The following FBXO28 variants were observed in gnomAD, a reference collection of about 807,000 sequenced individuals.
The protein encoded by FBXO28 is F-box only protein 28.
Under a neutral mutation model 38.1 loss-of-function variants are expected in FBXO28, and 8 were observed. The observed-to-expected ratio is 0.21, with a 90% CI of 0.12 to 0.38. The LOEUF (loss-of-function observed/expected upper bound fraction) is 0.38. Ranked by LOEUF, FBXO28 falls within the 10% of genes least tolerant of loss-of-function variation. The pLI is 1.00. For missense variants in FBXO28, 345 were observed against 460.6 expected (o/e 0.75, Z 2.30); for synonymous variants, 168 against 173.8 (o/e 0.97, Z 0.26).
chr1:224,147,655 C>T (rs1166650673), intron 3 of FBXO28, among the ~76,000 whole-genome samples: 3 of 151,636 alleles, frequency 2.0e-5, no homozygotes, highest in Non-Finnish European at 2.9e-5. Flanking sequence ...CCTGAGGATG[C>T]GGAGGGACTG....
rs118037054 is a variant in FBXO28 at position 224,135,761 on chromosome 1, G to T, written c.516+1549G>T. Among the ~76,000 whole-genome samples, 25 of 152,212 alleles carry T rather than the reference G, an allele frequency of 1.6e-4. No homozygotes were observed. In the East Asian group the frequency reaches 2.7e-3, roughly 16 times the overall value. The stretch of plus-strand genomic sequence containing the variant: ...CAGTCTAAACAAATAATGTTGCCAG[G>T]TGCCGTGGCTCACACCTGTAATCCC... On this transcript the variant is annotated intron_variant, in intron 3 of 4. Coordinates refer to ENST00000366862, the MANE Select transcript of FBXO28 (RefSeq NM_015176.4).
intron 2 of FBXO28, 81 bp downstream of exon 2, chr1:224,130,662 A>G (rs996603456): frequency 1.1e-6 from 1 of 883,896 alleles, no homozygotes; most frequent in Non-Finnish European, 1.8e-6. Flanking sequence ...CTCATGGTTT[A>G]CATATTGCTT....
intron 1 of FBXO28, among the ~76,000 whole-genome samples, chr1:224,127,889 A>G (rs1275072920): frequency 6.6e-6 from 1 of 152,240 alleles, no homozygotes; most frequent in East Asian, 1.9e-4. Flanking sequence ...CCTGGGTGAC[A>G]GCGAAACTCT....
chr1:224,148,397 T>A (rs754003924), intron 3 of FBXO28, among the ~76,000 whole-genome samples: 12 of 152,088 alleles, frequency 7.9e-5, no homozygotes, highest in African/African-American at 2.2e-4. Context: ...ACGCCTGCAA[T>A]CCCAGCTCTT....
rs1189203773 is a variant in FBXO28, at chr1:224,114,403, C to G, written c.267+7C>G. The G allele has an allele frequency of 1.3e-6, 2 of 1,561,756 alleles. No homozygotes were observed. On this transcript the variant is annotated splice_region_variant and intron_variant, in intron 1 of 4. Coordinates refer to ENST00000366862, the MANE Select transcript of FBXO28 (RefSeq NM_015176.4). Reference sequence around the variant, plus strand: ...AATTAGCCAGCTCCGCCTGGTGAGGCCCCCGCAGAACTCCTGCCTCCCTCT... The same window carrying G: ...AATTAGCCAGCTCCGCCTGGTGAGGGCCCCGCAGAACTCCTGCCTCCCTCT...
At chr1:224,157,290 G>A (rs1572029119) in intron 4 of FBXO28, 62 bp from the exon 5 acceptor site, 9 of 1,510,842 alleles carry the variant, frequency 6.0e-6, no homozygotes, top group South Asian at 5.3e-5. Flanking sequence ...TTAAATAAGT[G>A]TAAGTATTAC....
rs71168310 is a variant in FBXO28, at chr1:224,117,165, A to ATTTTTT, written c.267+2783_267+2788dup. On this transcript the variant is annotated intron_variant, in intron 1 of 4. Coordinates refer to ENST00000366862, the MANE Select transcript of FBXO28 (RefSeq NM_015176.4). ...AAAAATAAAAATAAAAATAAATTGGATTTTTTTTTTTTTTTTTTTGAGACG... is the reference window on the plus strand; with the variant it reads ...AAAAATAAAAATAAAAATAAATTGGATTTTTTTTTTTTTTTTTTTTTTTTTGAGACG... Among the ~76,000 whole-genome samples, 439 of 122,166 alleles carry ATTTTTT rather than the reference A, an allele frequency of 3.6e-3. 16 individuals are homozygous for ATTTTTT. Among genetic ancestry groups the ATTTTTT allele is most frequent in the African/African-American group, 0.013 (389 of 30,742 alleles). The allele number at this position is 122,166 out of a possible 152,430, so 80.1% of individuals were successfully genotyped here. A position where few individuals can be genotyped will look rare whatever the true frequency, so the allele number is the denominator to read the frequency against.
At position 224,157,739 on chromosome 1, in the gene FBXO28, G is replaced by C. The variant is rs775689516; in HGVS notation, c.1100G>C (p.Arg367Thr). Residue 367 changes from arginine (R) to threonine (T), a missense_variant, in exon 5 of 5, where the codon AGA becomes ACA. Arg to Thr is a moderately conservative substitution (Grantham distance 71, BLOSUM62 -1). This residue lies in a region of FBXO28 where 151 missense variants were observed against 188.3 expected (regional missense o/e 0.80). Coordinates refer to ENST00000366862, the MANE Select transcript of FBXO28 (RefSeq NM_015176.4). ...AGGAAATCTAAACGTCTTCGGAATAGAAAGTAAATTGGAATGTGGTTCTAG... is the reference window on the plus strand; with the variant it reads ...AGGAAATCTAAACGTCTTCGGAATACAAAGTAAATTGGAATGTGGTTCTAG... ...SLRKSKRLRN[R>T]K 5.0e-6 allele frequency: 8 copies of C among 1,597,264 alleles called. No individual in the cohort carries two copies. The highest frequency in any genetic ancestry group is 4.5e-5 in the East Asian group (2 of 44,818).
In FBXO28 at chr1:224,158,375, G is replaced by C. The variant is rs578173308; in HGVS notation, c.*629G>C. 1 of 280,782 alleles carries C rather than the reference G, an allele frequency of 3.6e-6. No homozygotes were observed. Among genetic ancestry groups the C allele is most frequent in the Admixed American group, 6.5e-5 (1 of 15,404 alleles). 17.4% of individuals were successfully genotyped at this position (280,782 alleles called of 1,614,324 possible). On this transcript the variant is annotated 3_prime_UTR_variant, in exon 5 of 5. Transcript: ENST00000366862. ...TACCCAGCTGTTATACATGTTTTCA[G>C]TTCTCTTTGGGGGCCATGTCCTACA...
Position 224,157,814 on chromosome 1 carries a change from A to G in FBXO28, c.*68A>G, listed in dbSNP as rs1242323513. ...AGCTTAAGCAGTTATGCATATCAGG[A>G]TACTGTGAGCAACATGGTGTCCCTT... On this transcript the variant is annotated 3_prime_UTR_variant, in exon 5 of 5. Transcript: ENST00000366862. 4.6e-6 allele frequency: 7 copies of G among 1,515,348 alleles called. No individual in the cohort carries two copies. In the East Asian group the frequency reaches 1.1e-4, roughly 25 times the overall value. The allele number at this position is 1,515,348 out of a possible 1,614,324, so 93.9% of individuals were successfully genotyped here.
intron 4 of FBXO28, among the ~76,000 whole-genome samples, chr1:224,154,651 AC>A (rs1051764983): frequency 2.0e-5 from 3 of 150,192 alleles, no homozygotes; most frequent in Admixed American, 6.6e-5. Context: ...TACTAAAAAT[AC>A]AAAAAATTAG....
intron 4 of FBXO28, 121 bp from the exon 5 acceptor site, chr1:224,157,231 G>T: frequency 8.1e-7 from 1 of 1,238,274 alleles, no homozygotes; most frequent in East Asian, 2.5e-5. Context: ...CAAATGGATT[G>T]CAAAGAAGAA....
chr1:224,118,600 T>G (rs1181197521), intron 1 of FBXO28, among the ~76,000 whole-genome samples: 1 of 152,236 alleles, frequency 6.6e-6, no homozygotes, highest in Non-Finnish European at 1.5e-5. Flanking sequence ...TTAAATCTAT[T>G]ACCTATTTAT....
At chr1:224,146,780 TTG>T (rs1215921142) in intron 3 of FBXO28, among the ~76,000 whole-genome samples, 6 of 148,390 alleles carry the variant, frequency 4.0e-5, no homozygotes, top group Non-Finnish European at 7.4e-5. Flanking sequence ...CGATCTGGGT[TTG>T]CTGCAACCTC....
chr1:224,143,292 C>T (rs1391197415), intron 3 of FBXO28, among the ~76,000 whole-genome samples: 2 of 151,838 alleles, frequency 1.3e-5, no homozygotes, highest in African/African-American at 4.8e-5. Context: ...TTAGTTTGTG[C>T]ATTCTCCATA....
intron 3 of FBXO28, among the ~76,000 whole-genome samples, chr1:224,139,739 GAAAT>G (rs1259088282): frequency 1.6e-5 from 2 of 125,688 alleles, no homozygotes; most frequent in Non-Finnish European, 3.3e-5. Context: ...GACTTCGTCT[GAAAT>G]AAATACATAC....
At chr1:224,130,219 G>A (rs1657004146) in intron 1 of FBXO28, among the ~76,000 whole-genome samples, 1 of 152,074 alleles carries the variant, frequency 6.6e-6, no homozygotes, top group African/African-American at 2.4e-5. Context: ...GCACACACCT[G>A]TATTTCCAGC....
At chr1:224,135,636 GA>G (rs1378921377) in intron 3 of FBXO28, among the ~76,000 whole-genome samples, 16 of 111,774 alleles carry the variant, frequency 1.4e-4, no homozygotes, top group Non-Finnish European at 3.0e-4. Context: ...AAAAAAAAAA[GA>G]AAAAGAAAAA....
intron 1 of FBXO28, among the ~76,000 whole-genome samples, chr1:224,126,725 G>C (rs575153832): frequency 6.6e-6 from 1 of 152,114 alleles, no homozygotes; most frequent in African/African-American, 2.4e-5. Context: ...CAGGAGAATC[G>C]CTTGAACCCA....
Sources: allele counts gnomAD v4.1 joint callset (sites outside exome capture counted in the v4.1 genomes callset), GRCh38; gene constraint gnomAD v4.1.1; regional missense constraint gnomAD v4.1.1; transcripts MANE v1.5; gene names NCBI Gene and HGNC (gene_info 2026-07-23, HGNC 2026-07-21).